The following STAG1 variants were observed in gnomAD, a reference collection of about 807,000 sequenced individuals.
The protein encoded by STAG1 is cohesin subunit SA-1.
Under a neutral mutation model 170.9 loss-of-function variants are expected in STAG1, and 26 were observed. The ratio of observed to expected loss-of-function variants is 0.15; its 90% CI spans 0.11 to 0.21. STAG1 has a LOEUF of 0.21. STAG1 is among the 10% of genes least tolerant of loss of function. The probability of loss-of-function intolerance (pLI) is 1.00; values close to 1 mark genes in which losing one functional copy is unlikely to be tolerated. For missense variants in STAG1, 964 were observed against 1,509.5 expected, an observed-to-expected ratio of 0.64 and a Z score of 5.99; for synonymous variants, 514 against 497.7, an observed-to-expected ratio of 1.03 and a Z score of -0.44.
At chr3:136,598,660 T>C (rs1190107448) in intron 4 of STAG1, among the ~76,000 whole-genome samples, 2 of 152,174 alleles carry the variant, frequency 1.3e-5, no homozygotes, top group East Asian at 3.9e-4. Flanking sequence ...TCTCCTGACC[T>C]TGTGATCTGC....
chr3:136,469,419 A>T (rs1474507262), intron 12 of STAG1, among the ~76,000 whole-genome samples: 1 of 152,190 alleles, frequency 6.6e-6, no homozygotes, highest in South Asian at 2.1e-4. Flanking sequence ...TAGGAATCCA[A>T]CTTACAAGGG....
chr3:136,452,991 T>C (rs940851586), intron 13 of STAG1, among the ~76,000 whole-genome samples: 1 of 152,168 alleles, frequency 6.6e-6, no homozygotes, highest in East Asian at 1.9e-4. Flanking sequence ...GGTTTCACCA[T>C]GTTGGCCAGG....
intron 15 of STAG1, among the ~76,000 whole-genome samples, chr3:136,437,390 C>CA (rs75094525): frequency 0.21 from 32,689 of 152,080 alleles, 4,776 homozygotes; most frequent in East Asian, 0.56. Context: ...AAATTGAAAG[C>CA]AAACAAGCCT....
intron 1 of STAG1, among the ~76,000 whole-genome samples, chr3:136,722,957 G>A (rs1576812225): frequency 6.6e-6 from 1 of 152,376 alleles, no homozygotes; most frequent in South Asian, 2.1e-4. Flanking sequence ...GCCTCCCGAG[G>A]TGCCGGGATT....
intron 23 of STAG1, among the ~76,000 whole-genome samples, chr3:136,369,963 G>C (rs1172882127): frequency 6.6e-6 from 1 of 152,126 alleles, no homozygotes; most frequent in Admixed American, 6.6e-5. Context: ...TATGCTGCCA[G>C]TCGTATAACA....
At chr3:136,502,861 G>A (rs958193987) in intron 7 of STAG1, 82 bp from the exon 8 acceptor site, 15 of 1,114,990 alleles carry the variant, frequency 1.3e-5, no homozygotes, top group Non-Finnish European at 1.8e-5. Context: ...GCCAATGGAT[G>A]AAGAAATGAA....
At chr3:136,511,671 A>G (rs191656487) in intron 7 of STAG1, among the ~76,000 whole-genome samples, 156 of 152,316 alleles carry the variant, frequency 1.0e-3, no homozygotes, top group African/African-American at 3.7e-3. Flanking sequence ...GAGGAGGGAG[A>G]GAGTCAGGAA....
At chr3:136,576,698 C>T (rs2880501) in intron 4 of STAG1, among the ~76,000 whole-genome samples, 3,164 of 152,236 alleles carry the variant, frequency 0.021, 66 homozygotes, top group Middle Eastern at 0.11. Context: ...AGTTTTAAAT[C>T]TGCCTAAGCT....
intron 3 of STAG1, among the ~76,000 whole-genome samples, chr3:136,620,208 A>G (rs1939783754): frequency 6.8e-6 from 1 of 148,060 alleles, no homozygotes; most frequent in South Asian, 2.1e-4. Context: ...TTTTAAAAGT[A>G]ATAAATTTTA....
chr3:136,522,628 G>C (rs1487359356), intron 6 of STAG1, among the ~76,000 whole-genome samples: 3 of 151,906 alleles, frequency 2.0e-5, no homozygotes, highest in South Asian at 2.1e-4. Context: ...GTGCAGGTTT[G>C]TTACATATGT....
At chr3:136,491,540 G>A (rs1383006475) in intron 9 of STAG1, among the ~76,000 whole-genome samples, 1 of 151,970 alleles carries the variant, frequency 6.6e-6, no homozygotes, top group Non-Finnish European at 1.5e-5. Flanking sequence ...CTTATTATTT[G>A]CCATTTATTT....
At chr3:136,356,017 T>A (rs1936637834) in intron 28 of STAG1, among the ~76,000 whole-genome samples, 1 of 152,064 alleles carries the variant, frequency 6.6e-6, no homozygotes, top group Non-Finnish European at 1.5e-5. Context: ...CTCTATCATA[T>A]TACCCCATTT....
chr3:136,354,460 C>T (rs1936551711), intron 28 of STAG1, among the ~76,000 whole-genome samples: 1 of 151,920 alleles, frequency 6.6e-6, no homozygotes, highest in Admixed American at 6.6e-5. Context: ...TGCCACCATG[C>T]CCGGCTAATT....
chr3:136,350,621 G>C (rs1704385960), intron 28 of STAG1, among the ~76,000 whole-genome samples: 2 of 152,150 alleles, frequency 1.3e-5, no homozygotes, highest in Admixed American at 1.3e-4. Flanking sequence ...TGGGAGAAGA[G>C]GGATGCTGGT....
intron 4 of STAG1, among the ~76,000 whole-genome samples, chr3:136,579,651 T>TA (rs2107776588): frequency 6.6e-6 from 1 of 152,322 alleles, no homozygotes; most frequent in East Asian, 1.9e-4. Context: ...CACATTCTGG[T>TA]AACATGTTCC....
intron 23 of STAG1, among the ~76,000 whole-genome samples, chr3:136,372,711 G>A (rs536192897): frequency 1.3e-5 from 2 of 152,160 alleles, no homozygotes; most frequent in Non-Finnish European, 2.9e-5. Flanking sequence ...CTTGATCATG[G>A]TGGATAAGCT....
At chr3:136,411,527 T>C (rs908763073) in intron 21 of STAG1, among the ~76,000 whole-genome samples, 1 of 152,132 alleles carries the variant, frequency 6.6e-6, no homozygotes, top group African/African-American at 2.4e-5. Context: ...TAATGATTAT[T>C]GTTGTTACAC....
chr3:136,625,997 G>A (rs1243237881), intron 2 of STAG1, among the ~76,000 whole-genome samples: 1 of 151,916 alleles, frequency 6.6e-6, no homozygotes, highest in South Asian at 2.1e-4. Context: ...ACGTTGCAGT[G>A]AGCAGAGATA....
chr3:136,525,854 T>C (rs1331790753), intron 6 of STAG1, among the ~76,000 whole-genome samples: 5 of 152,172 alleles, frequency 3.3e-5, no homozygotes, highest in South Asian at 2.1e-4. Flanking sequence ...TCGTTATGTA[T>C]CCATTAGTCA....
Sources: allele counts gnomAD v4.1 joint callset (sites outside exome capture counted in the v4.1 genomes callset), GRCh38; gene constraint gnomAD v4.1.1; transcripts MANE v1.5; gene names NCBI Gene and HGNC (gene_info 2026-07-23, HGNC 2026-07-21).